TENM2: variants seen among roughly 807,000 people sequenced by gnomAD.
The protein encoded by TENM2 is teneurin-2.
A neutral mutation model predicts 245.2 loss-of-function variants in TENM2; 52 were observed. That is an observed-to-expected ratio of 0.21 (90% CI 0.17 to 0.27). The LOEUF (loss-of-function observed/expected upper bound fraction) is 0.27, where lower values mean the gene tolerates loss of function less well. Among genes scored for constraint, TENM2 ranks in the 10% least tolerant of loss-of-function variants. TENM2 has a pLI of 1.00. For synonymous variants in TENM2, 1,363 were observed against 1,438.9 expected (o/e 0.95, Z 1.19); for missense variants, 3,046 against 3,666.8 (o/e 0.83, Z 4.37).
intron 3 of TENM2, among the ~76,000 whole-genome samples, chr5:167,882,822 T>G (rs1773986162): frequency 6.6e-6 from 1 of 152,116 alleles, no homozygotes; most frequent in Non-Finnish European, 1.5e-5. Flanking sequence ...AGATTTTGAG[T>G]GGGAACACAG....
the TENM2 span, among the ~76,000 whole-genome samples, chr5:167,028,757 C>G: frequency 1.3e-5 from 2 of 151,704 alleles, no homozygotes; most frequent in Non-Finnish European, 2.9e-5. Context: ...TCAATGTGTC[C>G]GCTCAGTAAG....
At chr5:167,938,607 A>G (rs191942396) in intron 3 of TENM2, 2 of 152,346 alleles carry the variant, frequency 1.3e-5, no homozygotes, top group Non-Finnish European at 1.5e-5. Context: ...CCTCTGACCC[A>G]GGGTAGGTGC....
At chr5:167,635,729 C>CCG (rs1389988407) in intron 2 of TENM2, among the ~76,000 whole-genome samples, 1 of 147,476 alleles carries the variant, frequency 6.8e-6, no homozygotes, top group Non-Finnish European at 1.5e-5. Flanking sequence ...ACTGCAAGCT[C>CCG]CGCCTCCCGG....
chr5:167,980,575 G>A (rs889823018), intron 4 of TENM2, among the ~76,000 whole-genome samples: 5 of 152,166 alleles, frequency 3.3e-5, no homozygotes, highest in African/African-American at 9.7e-5. Flanking sequence ...AGATGACCTC[G>A]ACCATCACAA....
At chr5:167,725,900 C>G (rs756345408) in intron 2 of TENM2, among the ~76,000 whole-genome samples, 6 of 152,168 alleles carry the variant, frequency 3.9e-5, no homozygotes, top group Non-Finnish European at 8.8e-5. Flanking sequence ...AATCTCTACT[C>G]ATCCATTAAG....
At chr5:167,749,517 A>G (rs1306706285) in intron 2 of TENM2, among the ~76,000 whole-genome samples, 4 of 152,074 alleles carry the variant, frequency 2.6e-5, no homozygotes. Context: ...GGGCACCTAT[A>G]ATCCCAGCTA....
chr5:167,286,669 C>T (rs1213992497), intron 1 of TENM2, among the ~76,000 whole-genome samples: 1 of 152,110 alleles, frequency 6.6e-6, no homozygotes, highest in Non-Finnish European at 1.5e-5. Context: ...TTCCTGCATA[C>T]GTTTTTGTGT....
At chr5:167,379,512 A>T (rs1760965370) in intron 2 of TENM2, among the ~76,000 whole-genome samples, 1 of 152,186 alleles carries the variant, frequency 6.6e-6, no homozygotes, top group African/African-American at 2.4e-5. Flanking sequence ...CAATAAATCT[A>T]GCATTGGAGC....
At chr5:167,844,155 T>G (rs778498209) in intron 2 of TENM2, among the ~76,000 whole-genome samples, 3 of 152,130 alleles carry the variant, frequency 2.0e-5, no homozygotes, top group Non-Finnish European at 2.9e-5. Flanking sequence ...GAAAAAAAAG[T>G]AGTATAAATG....
chr5:168,140,559 C>T (rs894779576), intron 12 of TENM2, among the ~76,000 whole-genome samples: 2 of 152,112 alleles, frequency 1.3e-5, no homozygotes, highest in South Asian at 2.1e-4. Flanking sequence ...CGTGTGTGTG[C>T]GCCCACCTGA....
chr5:167,817,993 A>G (rs1160619455), intron 2 of TENM2, among the ~76,000 whole-genome samples: 8 of 152,200 alleles, frequency 5.3e-5, no homozygotes. Flanking sequence ...ATAGATAAGA[A>G]GGATGAAGAT....
At chr5:167,385,538 A>G (rs1761372827) in intron 2 of TENM2, among the ~76,000 whole-genome samples, 2 of 149,718 alleles carry the variant, frequency 1.3e-5, no homozygotes, top group South Asian at 2.1e-4. Context: ...GTTATTGGAG[A>G]ACAGGTGGTG....
intron 3 of TENM2, among the ~76,000 whole-genome samples, chr5:167,896,196 C>T (rs990986362): frequency 3.3e-5 from 5 of 152,152 alleles, no homozygotes; most frequent in Admixed American, 6.5e-5. Context: ...TGATTGGCAT[C>T]CTAATCATGA....
chr5:168,100,869 C>A (rs1793753809), intron 9 of TENM2, among the ~76,000 whole-genome samples: 2 of 151,252 alleles, frequency 1.3e-5, no homozygotes, highest in Non-Finnish European at 2.9e-5. Context: ...CATATGTATA[C>A]CTATGTAACA....
chr5:167,001,782 G>C, the TENM2 span, among the ~76,000 whole-genome samples: 1 of 151,840 alleles, frequency 6.6e-6, no homozygotes, highest in Non-Finnish European at 1.5e-5. Flanking sequence ...CAAAGCACAT[G>C]GTACAAGCTT....
At chr5:167,457,668 T>C (rs1766007808) in intron 2 of TENM2, among the ~76,000 whole-genome samples, 2 of 152,130 alleles carry the variant, frequency 1.3e-5, no homozygotes, top group Non-Finnish European at 1.5e-5. Flanking sequence ...TTAAAGTCTC[T>C]TCTCTGTCTC....
the TENM2 span, among the ~76,000 whole-genome samples, chr5:167,041,357 C>T: frequency 1.3e-5 from 2 of 152,302 alleles, no homozygotes; most frequent in South Asian, 2.1e-4. Flanking sequence ...CAGATATCCA[C>T]AGCTACTACC....
the TENM2 span, among the ~76,000 whole-genome samples, chr5:167,089,009 A>G: frequency 1.8e-4 from 27 of 152,206 alleles, no homozygotes; most frequent in African/African-American, 4.3e-4. Context: ...GTTTAGTGAG[A>G]CCTGATAATC....
chr5:167,908,879 G>A (rs1299649284), intron 3 of TENM2, among the ~76,000 whole-genome samples: 3 of 151,864 alleles, frequency 2.0e-5, no homozygotes, highest in Non-Finnish European at 2.9e-5. Context: ...CACACCATGG[G>A]CATCATAGAA....
Sources: gnomAD v4.1 joint callset for allele counts (sites outside exome capture counted in the v4.1 genomes callset) on GRCh38, gnomAD v4.1.1 for gene constraint, MANE v1.5 for transcripts, NCBI Gene and HGNC (gene_info 2026-07-23, HGNC 2026-07-21) for gene names.